MAP3K20: variants seen among roughly 807,000 people sequenced by gnomAD.
MAP3K20 encodes the protein HCCS-4.
A neutral mutation model predicts 85.7 loss-of-function variants in MAP3K20; 40 were observed. The ratio of observed to expected loss-of-function variants is 0.47; its 90% CI spans 0.36 to 0.61. The LOEUF (loss-of-function observed/expected upper bound fraction) is 0.61, where lower values mean the gene tolerates loss of function less well. MAP3K20 is among the 20% of genes least tolerant of loss of function. MAP3K20 has a pLI of 0.00. For missense variants in MAP3K20, 817 were observed against 961.7 expected (o/e 0.85, Z 1.99); for synonymous variants, 325 against 327.7 (o/e 0.99, Z 0.09).
intron 16 of MAP3K20, among the ~76,000 whole-genome samples, chr2:173,246,742 C>A (rs900016360): frequency 3.3e-5 from 5 of 152,096 alleles, no homozygotes; most frequent in African/African-American, 9.7e-5. Context: ...GCAAAGGAAA[C>A]CTGATTGAAG....
intron 2 of MAP3K20, among the ~76,000 whole-genome samples, chr2:173,121,988 A>G (rs1688308976): frequency 6.6e-6 from 1 of 152,338 alleles, no homozygotes; most frequent in Non-Finnish European, 1.5e-5. Flanking sequence ...TCCGCAGAGC[A>G]TATAATTGTA....
intron 2 of MAP3K20, among the ~76,000 whole-genome samples, chr2:173,098,542 C>G (rs934215405): frequency 6.6e-6 from 1 of 152,102 alleles, no homozygotes; most frequent in Non-Finnish European, 1.5e-5. Context: ...GGGTCCCATC[C>G]CCAAGATATC....
intron 2 of MAP3K20, chr2:173,160,057 C>A (rs1689602219): frequency 6.6e-6 from 1 of 151,802 alleles, no homozygotes; most frequent in Non-Finnish European, 1.5e-5. Context: ...TTTTTCATAG[C>A]ATTTGTAACT....
intron 11 of MAP3K20, chr2:173,221,291 G>C (rs751817128): frequency 4.3e-6 from 7 of 1,614,044 alleles, no homozygotes; most frequent in Non-Finnish European, 3.4e-6. Context: ...AAGTCTGCAG[G>C]CCATGATGCT....
intron 2 of MAP3K20, among the ~76,000 whole-genome samples, chr2:173,121,289 T>A (rs1179396286): frequency 6.6e-6 from 1 of 152,210 alleles, no homozygotes; most frequent in Non-Finnish European, 1.5e-5. Context: ...TGGTTTCCTT[T>A]GTCGGAAGCA....
chr2:173,141,524 C>T (rs1688971029), intron 2 of MAP3K20, among the ~76,000 whole-genome samples: 1 of 152,008 alleles, frequency 6.6e-6, no homozygotes, highest in African/African-American at 2.4e-5. Context: ...TTTATCAAAT[C>T]TCAAGACCAA....
chr2:173,090,546 C>CT (rs1349494505), intron 1 of MAP3K20: 1 of 895,040 alleles, frequency 1.1e-6, no homozygotes. Context: ...TGCTCGGTGG[C>CT]TTAGGTTGTG....
chr2:173,226,691 C>A (rs1684397936), intron 11 of MAP3K20: 3 of 985,684 alleles, frequency 3.0e-6, no homozygotes, highest in Non-Finnish European at 3.6e-6. Context: ...GAGTTCCAAG[C>A]ACCTACATTA....
At chr2:173,182,979 A>T (rs561712332) in intron 4 of MAP3K20, 24 bp downstream of exon 4, 2 of 1,571,468 alleles carry the variant, frequency 1.3e-6, no homozygotes, top group African/African-American at 2.7e-5. Flanking sequence ...GTATATTCTT[A>T]TAGAATTAGT....
chr2:173,224,575 T>G (rs1180594825), intron 11 of MAP3K20: 25 of 985,178 alleles, frequency 2.5e-5, no homozygotes, highest in Non-Finnish European at 2.9e-5. Flanking sequence ...CTCATTACTC[T>G]ACCACCAAGA....
At chr2:173,224,133 C>A in intron 11 of MAP3K20, 1 of 854,264 alleles carries the variant, frequency 1.2e-6, no homozygotes, top group Non-Finnish European at 1.4e-6. Flanking sequence ...TAAGTATATG[C>A]CAAAAAATGA....
chr2:173,130,117 A>T (rs1279572927), intron 2 of MAP3K20, among the ~76,000 whole-genome samples: 2 of 152,244 alleles, frequency 1.3e-5, no homozygotes, highest in African/African-American at 4.8e-5. Context: ...TCCTAAGGTT[A>T]TGGTCAAACA....
chr2:173,229,601 G>A, intron 11 of MAP3K20, 88 bp from the exon 12 acceptor site: 1 of 1,560,554 alleles, frequency 6.4e-7, no homozygotes, highest in Non-Finnish European at 8.7e-7. Context: ...CAGCAGCTGA[G>A]AGCTGAAAGA....
chr2:173,204,234 T>C (rs1413604324), intron 9 of MAP3K20, among the ~76,000 whole-genome samples: 2 of 152,244 alleles, frequency 1.3e-5, no homozygotes, highest in Non-Finnish European at 2.9e-5. Flanking sequence ...GTTAACTCAT[T>C]TATTCCTCAG....
At chr2:173,076,947 CTGTT>C (rs1290668066) in intron 1 of MAP3K20, among the ~76,000 whole-genome samples, 1 of 152,250 alleles carries the variant, frequency 6.6e-6, no homozygotes, top group Non-Finnish European at 1.5e-5. Flanking sequence ...AAAGTTATCT[CTGTT>C]AGATCGCTGA....
rs1320605430 is a variant in MAP3K20, at chr2:173,075,904, G to GGAGCCGCGCGGGCCGCTGTCGTCCC, written c.-132_-108dup. 1.0e-6 allele frequency: 1 copy of GGAGCCGCGCGGGCCGCTGTCGTCCC among 985,082 alleles called. No individual in the cohort carries two copies. The highest frequency in any genetic ancestry group is 1.7e-5 in the African/African-American group (1 of 57,202). 61.0% of individuals were successfully genotyped at this position (985,082 alleles called of 1,614,324 possible). On this transcript the variant is annotated 5_prime_UTR_variant, in exon 1 of 20. Transcript: ENST00000375213. ...AACTCCTAACTGCAGCGGAAACGTG[G>GGAGCCGCGCGGGCCGCTGTCGTCCC]GAGCCGCGCGGGCCGCTGTCGTCCC...
chr2:173,176,095 C>A (rs1173642316), intron 3 of MAP3K20, among the ~76,000 whole-genome samples: 1 of 151,950 alleles, frequency 6.6e-6, no homozygotes, highest in Non-Finnish European at 1.5e-5. Flanking sequence ...AATGAATAAT[C>A]TTTTTATCTC....
intron 11 of MAP3K20, among the ~76,000 whole-genome samples, chr2:173,218,698 TTGAC>T (rs1684147590): frequency 6.6e-6 from 1 of 152,262 alleles, no homozygotes; most frequent in African/African-American, 2.4e-5. Context: ...ATTGCATGGC[TTGAC>T]TCTTTCTAAA....
intron 18 of MAP3K20, 143 bp downstream of exon 18, chr2:173,261,280 AG>A (rs1685285845): frequency 1.3e-6 from 1 of 759,954 alleles, no homozygotes; most frequent in Non-Finnish European, 2.0e-6. Context: ...ACATGAACAT[AG>A]GAAGATCAAT....
Sources: allele counts gnomAD v4.1 joint callset (sites outside exome capture counted in the v4.1 genomes callset), GRCh38; gene constraint gnomAD v4.1.1; transcripts MANE v1.5; gene names NCBI Gene and HGNC (gene_info 2026-07-23, HGNC 2026-07-21).